Variants in GPC6 observed in about 807,000 individuals in gnomAD.
The protein encoded by GPC6 is glypican-6.
In GPC6, 14 loss-of-function variants were observed where a neutral mutation model predicts 55.2. That is an observed-to-expected ratio of 0.25 (90% CI 0.17 to 0.40). GPC6 has a LOEUF of 0.40. Ranked by LOEUF, GPC6 falls within the 10% of genes least tolerant of loss-of-function variation. The pLI is 1.00. For synonymous variants in GPC6, 278 were observed against 259.6 expected (o/e 1.07, Z -0.68); for missense variants, 641 against 708.5 (o/e 0.90, Z 1.08).
At chr13:94,254,576 GTTGA>G in intron 4 of GPC6, among the ~76,000 whole-genome samples, 1 of 152,096 alleles carries the variant, frequency 6.6e-6, no homozygotes, top group East Asian at 1.9e-4. Context: ...TTAAGAAACA[GTTGA>G]TTGATGTCAT....
At position 93,289,585 on chromosome 13, in the gene GPC6, A is replaced by C. The variant is rs1204725943; in HGVS notation, c.160+61969A>C. Reference sequence around the variant, plus strand: ...CTAACATAAATATATGTATATCTTCATATCCACTTATAGACAAAGATATAT... The same window carrying C: ...CTAACATAAATATATGTATATCTTCCTATCCACTTATAGACAAAGATATAT... On this transcript the variant is annotated intron_variant, in intron 1 of 8. Coordinates refer to ENST00000377047, the MANE Select transcript of GPC6 (RefSeq NM_005708.5). 2.6e-5 allele frequency among the ~76,000 whole-genome samples: 4 copies of C among 152,214 alleles called. No individual in the cohort carries two copies. In the East Asian group the frequency reaches 7.7e-4, roughly 29 times the overall value.
At chr13:93,519,019 C>G (rs1034068030) in intron 1 of GPC6, among the ~76,000 whole-genome samples, 1 of 151,988 alleles carries the variant, frequency 6.6e-6, no homozygotes, top group Non-Finnish European at 1.5e-5. Flanking sequence ...TTCAGCTACA[C>G]AGGCAGAGTT....
chr13:94,063,827 C>T (rs1040814501), intron 4 of GPC6, among the ~76,000 whole-genome samples: 1 of 152,154 alleles, frequency 6.6e-6, no homozygotes, highest in Non-Finnish European at 1.5e-5. Context: ...TTCAGCATTA[C>T]ATTCAGTTTG....
At chr13:94,028,307 T>G (rs991466113) in intron 4 of GPC6, among the ~76,000 whole-genome samples, 1 of 152,082 alleles carries the variant, frequency 6.6e-6, no homozygotes, top group African/African-American at 2.4e-5. Flanking sequence ...ACTAGGATGG[T>G]TTTTAAAACC....
At chr13:93,938,962 C>T (rs1458859182) in intron 3 of GPC6, among the ~76,000 whole-genome samples, 1 of 151,980 alleles carries the variant, frequency 6.6e-6, no homozygotes, top group Non-Finnish European at 1.5e-5. Context: ...TTTAGCTGTG[C>T]GTGGTGACAC....
intron 4 of GPC6, among the ~76,000 whole-genome samples, chr13:94,235,885 A>G (rs1011210466): frequency 3.2e-4 from 48 of 152,274 alleles, no homozygotes; most frequent in African/African-American, 1.1e-3. Context: ...AAGCTAGAAG[A>G]CACCTTTGAG....
At chr13:93,668,025 A>T (rs1447691589) in intron 2 of GPC6, among the ~76,000 whole-genome samples, 3 of 152,122 alleles carry the variant, frequency 2.0e-5, no homozygotes, top group Non-Finnish European at 2.9e-5. Context: ...AAATATTTTC[A>T]ATTATTGATA....
chr13:93,580,439 A>G lies in GPC6; in HGVS notation c.319+35018A>G, dbSNP rs1383760187. On this transcript the variant is annotated intron_variant, in intron 2 of 8. Coordinates refer to ENST00000377047, the MANE Select transcript of GPC6 (RefSeq NM_005708.5). ...TTTATCACTCTGAAGGAGCACATGC[A>G]GTCACCCCGAAGACTACATTATACA... 2.6e-5 allele frequency among the ~76,000 whole-genome samples: 4 copies of G among 152,246 alleles called. No homozygotes were observed. The East Asian group carries it at 7.7e-4, about 29-fold the overall frequency.
intron 1 of GPC6, among the ~76,000 whole-genome samples, chr13:93,542,120 A>T (rs1338435902): frequency 6.6e-5 from 10 of 152,160 alleles, no homozygotes; most frequent in Non-Finnish European, 1.3e-4. Context: ...CTGAATGCTA[A>T]TGCCTAGGTT....
chr13:94,365,202 C>T (rs1175478842), intron 6 of GPC6, among the ~76,000 whole-genome samples: 1 of 152,156 alleles, frequency 6.6e-6, no homozygotes, highest in Non-Finnish European at 1.5e-5. Flanking sequence ...CTGGGGAGGT[C>T]CTAGTTGAAA....
intron 3 of GPC6, among the ~76,000 whole-genome samples, chr13:93,903,377 G>A (rs939847556): frequency 6.6e-6 from 1 of 152,174 alleles, no homozygotes; most frequent in East Asian, 1.9e-4. Context: ...TTCTCCTTCA[G>A]TTTTTCCAAA....
chr13:93,314,741 GT>G (rs1879186092), intron 1 of GPC6, among the ~76,000 whole-genome samples: 1 of 151,050 alleles, frequency 6.6e-6, no homozygotes, highest in African/African-American at 2.5e-5. Context: ...GTGTGTGTGT[GT>G]GTGTGTGTGT....
chr13:93,271,483 T>G (rs1877523593), intron 1 of GPC6, among the ~76,000 whole-genome samples: 2 of 151,808 alleles, frequency 1.3e-5, no homozygotes, highest in Non-Finnish European at 2.9e-5. Flanking sequence ...CCTAAGACAG[T>G]TGATAAAATG....
intron 1 of GPC6, among the ~76,000 whole-genome samples, chr13:93,320,530 T>C (rs1207679264): frequency 6.6e-6 from 1 of 151,932 alleles, no homozygotes; most frequent in African/African-American, 2.4e-5. Flanking sequence ...TTAAATGATA[T>C]TAAGTATATG....
chr13:94,199,249 A>C (rs1889678068), intron 4 of GPC6, among the ~76,000 whole-genome samples: 1 of 152,190 alleles, frequency 6.6e-6, no homozygotes, highest in African/African-American at 2.4e-5. Context: ...GGAAAGTCAA[A>C]ATATAAATAT....
chr13:93,647,705 A>C (rs1880231027), intron 2 of GPC6, among the ~76,000 whole-genome samples: 1 of 152,148 alleles, frequency 6.6e-6, no homozygotes, highest in African/African-American at 2.4e-5. Context: ...CACTTACTTC[A>C]AATGACAAAT....
chr13:93,227,445 G>C lies in GPC6; in HGVS notation c.-12G>C. 6.2e-7 allele frequency: 1 copy of C among 1,613,502 alleles called. No homozygotes were observed. The highest frequency in any genetic ancestry group is 8.5e-7 in the Non-Finnish European group (1 of 1,179,550). On this transcript the variant is annotated 5_prime_UTR_variant, in exon 1 of 9. Coordinates refer to ENST00000377047, the MANE Select transcript of GPC6 (RefSeq NM_005708.5). The surrounding 1 kb of genome is among the most constrained non-coding windows in gnomAD (Gnocchi z 4.3). The stretch of plus-strand genomic sequence containing the variant: ...CCGTGGGGTTTACCGAGCTGGATTT[G>C]TATGTTGCACCATGCCTTCTTGGAT...
chr13:93,307,447 G>C (rs1156933296), intron 1 of GPC6, among the ~76,000 whole-genome samples: 3 of 152,154 alleles, frequency 2.0e-5, no homozygotes, highest in Non-Finnish European at 4.4e-5. Context: ...TTCAAGCAAT[G>C]GTTATTTAGT....
intron 3 of GPC6, among the ~76,000 whole-genome samples, chr13:93,878,164 C>T (rs1300445095): frequency 2.0e-5 from 3 of 151,934 alleles, no homozygotes; most frequent in African/African-American, 7.2e-5. Context: ...AAAAGAGGAG[C>T]AGTACTATGG....
Sources: gnomAD v4.1 joint callset for allele counts (sites outside exome capture counted in the v4.1 genomes callset) on GRCh38, gnomAD v4.1.1 for gene constraint, Gnocchi (gnomAD v3.1) non-coding constraint, MANE v1.5 for transcripts, NCBI Gene and HGNC (gene_info 2026-07-23, HGNC 2026-07-21) for gene names.